GRK5: variants seen among roughly 807,000 people sequenced by gnomAD.
The protein encoded by GRK5 is g protein-coupled receptor kinase GRK5.
Under a neutral mutation model 78.4 loss-of-function variants are expected in GRK5, and 40 were observed. The observed-to-expected ratio is 0.51, with a 90% CI of 0.40 to 0.66. GRK5 has a LOEUF of 0.66. Ranked by LOEUF, GRK5 falls within the 30% of genes least tolerant of loss-of-function variation. The pLI, the probability that GRK5 is intolerant of heterozygous loss-of-function variation, is 0.00. For missense variants in GRK5, 598 were observed against 759.9 expected (o/e 0.79, Z 2.50); for synonymous variants, 289 against 296.8 (o/e 0.97, Z 0.27).
chr10:119,263,648 G>A (rs1849447230), intron 1 of GRK5, among the ~76,000 whole-genome samples: 2 of 152,176 alleles, frequency 1.3e-5, no homozygotes, highest in South Asian at 4.1e-4. Context: ...TTGAGGCCAG[G>A]CGCAGTGGCT....
In GRK5 at chr10:119,452,941, C is replaced by T; in HGVS notation, c.1542+133C>T. The T allele has an allele frequency of 8.6e-7, 1 of 1,167,156 alleles. No homozygotes were observed. Among genetic ancestry groups the T allele is most frequent in the South Asian group, 1.4e-5 (1 of 72,884 alleles). The allele number at this position is 1,167,156 out of a possible 1,614,324, so 72.3% of individuals were successfully genotyped here. ...TTCTGTTTTCTCCATGAAGGCAGCA[C>T]ACAAAAGCTGTCAGTGGCCAAGTAG... is the stretch of plus-strand genomic sequence containing the variant. On this transcript the variant is annotated intron_variant, in intron 14 of 15. Coordinates refer to ENST00000392870, the MANE Select transcript of GRK5 (RefSeq NM_005308.3). This position sits in a 1 kb window ranked among gnomAD's most constrained non-coding sequence, Gnocchi z 4.4.
intron 2 of GRK5, among the ~76,000 whole-genome samples, chr10:119,348,405 A>G (rs1851135275): frequency 6.6e-6 from 1 of 151,536 alleles, no homozygotes; most frequent in Non-Finnish European, 1.5e-5. Flanking sequence ...GGCAATGAAT[A>G]AGTCAGTGCG....
chr10:119,380,897 G>A lies in GRK5; in HGVS notation c.231G>A (p.Leu77=), dbSNP rs370653887. The A allele has an allele frequency of 2.5e-6, 4 of 1,612,870 alleles. No homozygotes were observed. The African/African-American group carries it at 4.0e-5, about 16-fold the overall frequency. The part of the protein sequence containing the change: ...FRQFCETRPG[L]ECYIQFLDSV... ...AGTTTTGTGAAACCAGGCCTGGGCT[G>A]GAGTGTTACATTCAGTTCCTGGACT... Residue 77 remains leucine (L), a synonymous_variant, in exon 3 of 16, where the codon CTG becomes CTA. Coordinates refer to ENST00000392870, the MANE Select transcript of GRK5 (RefSeq NM_005308.3).
At position 119,238,043 on chromosome 10, in the gene GRK5, C is replaced by A. The variant is rs1264044027; in HGVS notation, c.52+30074C>A. ...GTCTTTAAACTTACGAACTAAAGGG[C>A]TTGAGGGTGAGGGGGTGCTGATCTA... On this transcript the variant is annotated intron_variant, in intron 1 of 15. Coordinates refer to ENST00000392870, the MANE Select transcript of GRK5 (RefSeq NM_005308.3). The surrounding 1 kb of genome is among the most constrained non-coding windows in gnomAD (Gnocchi z 4.7). Among the ~76,000 whole-genome samples, 1 of 152,102 alleles carries A rather than the reference C, an allele frequency of 6.6e-6. No individual in the cohort carries two copies. Among genetic ancestry groups the A allele is most frequent in the Non-Finnish European group, 1.5e-5 (1 of 68,016 alleles).
chr10:119,305,240 C>G (rs2133728198), intron 1 of GRK5, among the ~76,000 whole-genome samples: 1 of 152,320 alleles, frequency 6.6e-6, no homozygotes, highest in Middle Eastern at 3.4e-3. Flanking sequence ...CCCTCCCTTG[C>G]CTTTCCTCTC....
chr10:119,265,150 G>A lies in GRK5; in HGVS notation c.52+57181G>A, dbSNP rs553459050. Among the ~76,000 whole-genome samples the A allele has an allele frequency of 9.2e-5, 14 of 152,188 alleles. No individual in the cohort carries two copies. The South Asian group carries it at 3.0e-3, about 32-fold the overall frequency. On this transcript the variant is annotated intron_variant, in intron 1 of 15. Transcript: ENST00000392870. ...TGCTCCCCACCAGCCTTTAATTTTGGGGGCCTGCTCAGGTGCTGGACTCTG... is the reference window on the plus strand; with the variant it reads ...TGCTCCCCACCAGCCTTTAATTTTGAGGGCCTGCTCAGGTGCTGGACTCTG...
intron 4 of GRK5, among the ~76,000 whole-genome samples, chr10:119,405,914 A>G (rs1852231645): frequency 6.6e-6 from 1 of 152,224 alleles, no homozygotes; most frequent in South Asian, 2.1e-4. Context: ...GAAACCTTGT[A>G]CCAGGAACAT....
intron 3 of GRK5, among the ~76,000 whole-genome samples, chr10:119,391,768 G>A (rs917375754): frequency 2.6e-5 from 4 of 152,208 alleles, no homozygotes; most frequent in Non-Finnish European, 5.9e-5. Flanking sequence ...CCGTGGGGGT[G>A]GATGCAGGTG....
chr10:119,408,341 C>CAAAA (rs67973033), intron 4 of GRK5, among the ~76,000 whole-genome samples: 598 of 48,658 alleles, frequency 0.012, 43 homozygotes, highest in Middle Eastern at 0.031. Context: ...AACCCTGTCT[C>CAAAA]AAAAAAAAAA....
At chr10:119,222,076 G>T (rs969643393) in intron 1 of GRK5, among the ~76,000 whole-genome samples, 2 of 152,172 alleles carry the variant, frequency 1.3e-5, no homozygotes, top group African/African-American at 4.8e-5. Flanking sequence ...GCACAACCCT[G>T]TGGGCCTGGG....
intron 4 of GRK5, among the ~76,000 whole-genome samples, chr10:119,419,317 A>T (rs1417183822): frequency 1.3e-5 from 2 of 152,198 alleles, no homozygotes; most frequent in Middle Eastern, 3.2e-3. Flanking sequence ...CTTCTTAAAG[A>T]GTCTCTCTTT....
At chr10:119,416,884 G>T (rs904200174) in intron 4 of GRK5, among the ~76,000 whole-genome samples, 1 of 152,180 alleles carries the variant, frequency 6.6e-6, no homozygotes, top group Admixed American at 6.5e-5. Context: ...GTGAGCCACC[G>T]CACCTGGCTG....
chr10:119,436,313 A>G (rs1852918072), intron 8 of GRK5, among the ~76,000 whole-genome samples: 1 of 152,240 alleles, frequency 6.6e-6, no homozygotes, highest in Non-Finnish European at 1.5e-5. Context: ...CTGGCCAAGA[A>G]GGCACCCTCC....
intron 3 of GRK5, among the ~76,000 whole-genome samples, chr10:119,383,200 C>T (rs4752298): frequency 8.5e-5 from 13 of 152,150 alleles, no homozygotes; most frequent in African/African-American, 2.9e-4. Context: ...GAACCACAGG[C>T]GTGAGCCACC....
At chr10:119,240,395 G>A (rs916420162) in intron 1 of GRK5, among the ~76,000 whole-genome samples, 26 of 151,564 alleles carry the variant, frequency 1.7e-4, no homozygotes, top group Non-Finnish European at 3.5e-4. Flanking sequence ...TAGAGACGGG[G>A]TTTCACCATG....
intron 4 of GRK5, among the ~76,000 whole-genome samples, chr10:119,400,131 C>T (rs1852125031): frequency 6.6e-6 from 1 of 152,220 alleles, no homozygotes; most frequent in African/African-American, 2.4e-5. Context: ...CACACTGTTC[C>T]ATTGTTGTGA....
At chr10:119,272,447 G>T (rs1420669466) in intron 1 of GRK5, among the ~76,000 whole-genome samples, 1 of 151,992 alleles carries the variant, frequency 6.6e-6, no homozygotes, top group Non-Finnish European at 1.5e-5. Context: ...ATGATGGCGG[G>T]TGACTATAAT....
chr10:119,241,463 A>C (rs549372524), intron 1 of GRK5, among the ~76,000 whole-genome samples: 12 of 152,332 alleles, frequency 7.9e-5, no homozygotes, highest in African/African-American at 2.9e-4. Context: ...TCTTTCTTCA[A>C]ATTCTGTCCC....
At position 119,431,781 on chromosome 10, in the gene GRK5, G is replaced by A. The variant is rs1217007197; in HGVS notation, c.738+254G>A. On this transcript the variant is annotated intron_variant, in intron 8 of 15. Coordinates refer to ENST00000392870, the MANE Select transcript of GRK5 (RefSeq NM_005308.3). The surrounding 1 kb of genome is among the most constrained non-coding windows in gnomAD (Gnocchi z 4.8). ...GCTCCCTGCTGTGCATGAGACCGAC[G>A]CCTCTGTTCTCCTGGACCACTTTGT... Among the ~76,000 whole-genome samples the A allele has an allele frequency of 2.6e-5, 4 of 152,186 alleles. No homozygotes were observed. Among genetic ancestry groups the A allele is most frequent in the African/African-American group, 7.2e-5 (3 of 41,452 alleles).
Sources: allele counts gnomAD v4.1 joint callset (sites outside exome capture counted in the v4.1 genomes callset), GRCh38; gene constraint gnomAD v4.1.1; non-coding constraint Gnocchi (gnomAD v3.1); transcripts MANE v1.5; gene names NCBI Gene and HGNC (gene_info 2026-07-23, HGNC 2026-07-21).